The following FARP1 variants were observed in gnomAD, a reference collection of about 807,000 sequenced individuals.
The protein encoded by FARP1 is FERM, ARH/RhoGEF and pleckstrin domain protein 1, also known as FERM, ARHGEF and pleckstrin domain-containing protein 1.
A neutral mutation model predicts 128.8 loss-of-function variants in FARP1; 52 were observed. That is an observed-to-expected ratio of 0.40 (90% confidence interval 0.32 to 0.51). The LOEUF is 0.51. FARP1 is among the 20% of genes least tolerant of loss of function. FARP1 has a pLI of 0.45. For missense variants in FARP1, 1,333 were observed against 1,367.9 expected, an observed-to-expected ratio of 0.97 and a Z score of 0.40; for synonymous variants, 580 against 551.8, an observed-to-expected ratio of 1.05 and a Z score of -0.72.
At chr13:98,240,083 T>C (rs1882675739) in intron 2 of FARP1, among the ~76,000 whole-genome samples, 1 of 152,116 alleles carries the variant, frequency 6.6e-6, no homozygotes, top group South Asian at 2.1e-4. Flanking sequence ...CCCTGTGGAC[T>C]GGAGGGGCCT....
At chr13:98,248,832 C>T (rs1305581452) in intron 2 of FARP1, among the ~76,000 whole-genome samples, 2 of 152,032 alleles carry the variant, frequency 1.3e-5, no homozygotes, top group South Asian at 2.1e-4. Flanking sequence ...TTGGTGATTT[C>T]ACTGTTTAAA....
chr13:98,408,314 A>AAT (rs1891054047), intron 13 of FARP1, among the ~76,000 whole-genome samples: 1 of 148,194 alleles, frequency 6.7e-6, no homozygotes, highest in East Asian at 2.0e-4. Context: ...CATAGCGGGT[A>AAT]ATATATACTT....
chr13:98,415,711 A>T (rs12430376), intron 16 of FARP1, among the ~76,000 whole-genome samples: 57,586 of 152,206 alleles, frequency 0.38, 11,568 homozygotes, highest in African/African-American at 0.51. Flanking sequence ...CACAGGGAAG[A>T]TTATTAAGAA....
chr13:98,268,879 ATTTATT>A (rs1311027648), intron 2 of FARP1, among the ~76,000 whole-genome samples: 1 of 150,224 alleles, frequency 6.7e-6, no homozygotes, highest in African/African-American at 2.5e-5. Context: ...GCTAATTTTT[ATTTATT>A]TTTATTTTTT....
intron 24 of FARP1, among the ~76,000 whole-genome samples, chr13:98,443,383 C>G (rs115405806): frequency 3.9e-5 from 6 of 152,208 alleles, no homozygotes; most frequent in Admixed American, 3.9e-4. Context: ...TCCCAAGGCA[C>G]GTGGCATCAA....
chr13:98,309,320 T>C (rs1398813401), intron 2 of FARP1, among the ~76,000 whole-genome samples: 7 of 145,146 alleles, frequency 4.8e-5, no homozygotes, highest in Admixed American at 2.7e-4. Context: ...GCGCCCACCA[T>C]CACGCCCGGC....
rs756663362 is a variant in FARP1 at position 98,446,825 on chromosome 13, C to A, written c.3056+8C>A. 23 of 1,613,854 alleles carry A rather than the reference C, an allele frequency of 1.4e-5. No homozygotes were observed. In the South Asian group the frequency reaches 2.0e-4, roughly 14 times the overall value. On this transcript the variant is annotated splice_region_variant and intron_variant, in intron 26 of 26. Transcript: ENST00000319562. ...CGAGTACACGTTCGAAAGGTAGACA[C>A]CCCCTTCCCACGCACAGGGCCCTGC...
Position 98,211,710 on chromosome 13 carries a change from A to T in FARP1, c.-23-1510A>T, listed in dbSNP as rs186716285. 7.3e-3 allele frequency among the ~76,000 whole-genome samples: 1,116 copies of T among 152,194 alleles called. 5 individuals are homozygous for T. The highest frequency in any genetic ancestry group is 0.017 in the Middle Eastern group (5 of 294). On this transcript the variant is annotated intron_variant, in intron 1 of 26. Coordinates refer to ENST00000319562, the MANE Select transcript of FARP1 (RefSeq NM_005766.4). The stretch of plus-strand genomic sequence containing the variant: ...AACATTTGAGACCAACTTGAGTTCA[A>T]TTCTCACCTTCTCCATGATGGAAGG...
chr13:98,248,696 A>T (rs9517228), intron 2 of FARP1, among the ~76,000 whole-genome samples: 2 of 151,846 alleles, frequency 1.3e-5, no homozygotes, highest in Non-Finnish European at 2.9e-5. Flanking sequence ...GAGTTGCCCA[A>T]TGTGCACATT....
intron 16 of FARP1, among the ~76,000 whole-genome samples, chr13:98,420,076 C>T (rs1458510557): frequency 6.6e-6 from 1 of 152,058 alleles, no homozygotes; most frequent in African/African-American, 2.4e-5. Flanking sequence ...CCCTAGGGCT[C>T]GTGATGCTTT....
At chr13:98,189,598 T>G (rs1209443427) in intron 1 of FARP1, among the ~76,000 whole-genome samples, 1 of 152,206 alleles carries the variant, frequency 6.6e-6, no homozygotes, top group Non-Finnish European at 1.5e-5. Flanking sequence ...AGAAATTCCC[T>G]AACCAGCCCA....
intron 16 of FARP1, among the ~76,000 whole-genome samples, chr13:98,420,739 C>G (rs936626335): frequency 6.6e-6 from 1 of 152,174 alleles, no homozygotes; most frequent in Non-Finnish European, 1.5e-5. Context: ...ACAAGGACCC[C>G]TTTCTTGTGA....
At chr13:98,386,771 T>C (rs554677958) in intron 8 of FARP1, among the ~76,000 whole-genome samples, 40 of 147,078 alleles carry the variant, frequency 2.7e-4, no homozygotes, top group Non-Finnish European at 4.7e-4. Flanking sequence ...TTTATTGAGC[T>C]CTTCCAGGTT....
intron 2 of FARP1, among the ~76,000 whole-genome samples, chr13:98,290,687 G>C (rs962565102): frequency 1.3e-5 from 2 of 152,126 alleles, no homozygotes; most frequent in Admixed American, 6.5e-5. Context: ...CAATGGCGGT[G>C]GCTTTGAGTA....
At chr13:98,180,651 T>G (rs956956450) in intron 1 of FARP1, among the ~76,000 whole-genome samples, 1 of 152,220 alleles carries the variant, frequency 6.6e-6, no homozygotes, top group African/African-American at 2.4e-5. Context: ...CTCACTTTAT[T>G]TCTTCTAAAA....
intron 1 of FARP1, among the ~76,000 whole-genome samples, chr13:98,144,202 C>G (rs147512285): frequency 0.013 from 1,965 of 146,412 alleles, 26 homozygotes; most frequent in Middle Eastern, 0.058. Context: ...CCCGGAGACT[C>G]TGTGTGTGTG....
intron 1 of FARP1, among the ~76,000 whole-genome samples, chr13:98,167,110 C>A (rs1446058393): frequency 6.6e-6 from 1 of 152,130 alleles, no homozygotes; most frequent in African/African-American, 2.4e-5. Context: ...ACTCGACAAG[C>A]CATTGGTATT....
intron 16 of FARP1, among the ~76,000 whole-genome samples, chr13:98,419,261 G>A (rs1378143716): frequency 1.3e-5 from 2 of 152,236 alleles, no homozygotes; most frequent in Middle Eastern, 3.4e-3. Flanking sequence ...ATCACCTGAG[G>A]TCAGGAGTTC....
intron 1 of FARP1, among the ~76,000 whole-genome samples, chr13:98,169,059 A>T (rs1877473288): frequency 6.6e-6 from 1 of 152,078 alleles, no homozygotes; most frequent in Admixed American, 6.6e-5. Flanking sequence ...TCATTTTTTA[A>T]AATTTGTTTG....
Sources: allele counts gnomAD v4.1 joint callset (sites outside exome capture counted in the v4.1 genomes callset), GRCh38; gene constraint gnomAD v4.1.1; transcripts MANE v1.5; gene names NCBI Gene and HGNC (gene_info 2026-07-23, HGNC 2026-07-21).